The following OR1J2 variants were observed in gnomAD, a reference collection of about 807,000 sequenced individuals.
The protein encoded by OR1J2 is olfactory receptor 1J2.
For missense variants in OR1J2, 304 were observed against 246.1 expected, an observed-to-expected ratio of 1.24 and a Z score of -1.57; for synonymous variants, 142 against 99.7, an observed-to-expected ratio of 1.42 and a Z score of -2.52.
the OR1J2 span, chr9:122,519,936 GC>G: frequency 6.2e-7 from 1 of 1,614,086 alleles, no homozygotes; most frequent in Non-Finnish European, 8.5e-7. Flanking sequence ...CTCATCCAGT[GC>G]CTCCAGTGAC....
the OR1J2 span, among the ~76,000 whole-genome samples, chr9:122,556,520 G>T: frequency 6.6e-6 from 1 of 151,900 alleles, no homozygotes; most frequent in Non-Finnish European, 1.5e-5. Context: ...CCTGTTGGGG[G>T]TTAGGGGACA....
the OR1J2 span, among the ~76,000 whole-genome samples, chr9:122,494,484 T>G: frequency 6.6e-6 from 1 of 152,190 alleles, no homozygotes; most frequent in Non-Finnish European, 1.5e-5. Flanking sequence ...TTGTTTTTTC[T>G]GATATAAGAA....
chr9:122,537,788 A>C, the OR1J2 span, among the ~76,000 whole-genome samples: 1 of 152,200 alleles, frequency 6.6e-6, no homozygotes, highest in South Asian at 2.1e-4. Flanking sequence ...CACCAAGGAT[A>C]AGGTCAGAGC....
the OR1J2 span, among the ~76,000 whole-genome samples, chr9:122,472,430 C>T: frequency 6.6e-6 from 1 of 152,228 alleles, no homozygotes. Flanking sequence ...CAATAGTACT[C>T]TTAAGACCCA....
At chr9:122,454,014 T>C in the OR1J2 span, among the ~76,000 whole-genome samples, 3 of 152,230 alleles carry the variant, frequency 2.0e-5, no homozygotes, top group East Asian at 5.8e-4. Context: ...CAACCTACTG[T>C]TGCTTAGGCA....
the OR1J2 span, among the ~76,000 whole-genome samples, chr9:122,529,235 C>G: frequency 1.3e-5 from 2 of 151,308 alleles, no homozygotes; most frequent in Non-Finnish European, 2.9e-5. Flanking sequence ...ATAGCCATGT[C>G]CAGAAGGGTA....
chr9:122,511,477 C>G lies in OR1J2; in HGVS notation c.676C>G (p.Leu226Val), dbSNP rs1828635612. The G allele has an allele frequency of 1.3e-6, 1 of 780,652 alleles. No individual in the cohort carries two copies. Among genetic ancestry groups the G allele is most frequent in the African/African-American group, 1.7e-5 (1 of 59,094 alleles). 48.4% of individuals were successfully genotyped at this position (780,652 alleles called of 1,614,324 possible). A position where few individuals can be genotyped will look rare whatever the true frequency, so the allele number is the denominator to read the frequency against. ...VSYGYIGATI[L>V]RVPSTKGIHK... ...ATATGGCTACATTGGGGCCACCATC[C>G]TGAGGGTCCCTTCAACCAAAGGGAT... Residue 226 changes from leucine (L) to valine (V), a missense_variant, in exon 1 of 1, where the codon CTG becomes GTG. Transcript: ENST00000335302.
chr9:122,568,063 G>A, the OR1J2 span: 1 of 1,614,062 alleles, frequency 6.2e-7, no homozygotes, highest in South Asian at 1.1e-5. Context: ...CAGTGGTGGT[G>A]GCTCATGGTG....
the OR1J2 span, among the ~76,000 whole-genome samples, chr9:122,505,675 T>C: frequency 6.6e-6 from 1 of 152,318 alleles, no homozygotes; most frequent in African/African-American, 2.4e-5. Context: ...ATTTGTCCTA[T>C]ATCCCTATAT....
chr9:122,532,390 A>G, the OR1J2 span, among the ~76,000 whole-genome samples: 2 of 152,112 alleles, frequency 1.3e-5, no homozygotes, highest in Non-Finnish European at 2.9e-5. Context: ...ACCGCCATCA[A>G]TAAACCAAGT....
the OR1J2 span, among the ~76,000 whole-genome samples, chr9:122,529,697 T>A: frequency 6.6e-6 from 1 of 152,216 alleles, no homozygotes; most frequent in Non-Finnish European, 1.5e-5. Context: ...GAGATATCAA[T>A]GGGGTTCTTC....
At chr9:122,504,443 G>A in the OR1J2 span, among the ~76,000 whole-genome samples, 1 of 152,160 alleles carries the variant, frequency 6.6e-6, no homozygotes, top group Non-Finnish European at 1.5e-5. Flanking sequence ...CTTAAAGCTG[G>A]AAGTTTATCT....
At chr9:122,565,295 ATC>A in the OR1J2 span, among the ~76,000 whole-genome samples, 14 of 152,222 alleles carry the variant, frequency 9.2e-5, no homozygotes, top group Non-Finnish European at 1.9e-4. Flanking sequence ...ATATGAAGAT[ATC>A]TGTGTCCCAT....
At chr9:122,543,081 C>G in the OR1J2 span, among the ~76,000 whole-genome samples, 1 of 152,136 alleles carries the variant, frequency 6.6e-6, no homozygotes, top group Non-Finnish European at 1.5e-5. Context: ...TATGTACAAA[C>G]TTTTGGGTGG....
chr9:122,471,553 A>G, the OR1J2 span: 12 of 152,198 alleles, frequency 7.9e-5, no homozygotes, highest in Admixed American at 7.9e-4. Flanking sequence ...CCTCACTTCC[A>G]ATGGAGACAA....
chr9:122,503,162 T>C, the OR1J2 span, among the ~76,000 whole-genome samples: 2 of 152,168 alleles, frequency 1.3e-5, no homozygotes, highest in Admixed American at 6.5e-5. Context: ...GATGATGTCA[T>C]GTGGGATATG....
At chr9:122,531,810 C>T in the OR1J2 span, among the ~76,000 whole-genome samples, 9 of 152,112 alleles carry the variant, frequency 5.9e-5, no homozygotes, top group Non-Finnish European at 1.2e-4. Flanking sequence ...GTGGGAAGGC[C>T]AAACCGAGGA....
At chr9:122,461,362 T>C in the OR1J2 span, among the ~76,000 whole-genome samples, 1 of 151,992 alleles carries the variant, frequency 6.6e-6, no homozygotes, top group Non-Finnish European at 1.5e-5. Flanking sequence ...GTACATCTAT[T>C]GAGATAATCA....
the OR1J2 span, among the ~76,000 whole-genome samples, chr9:122,574,092 GC>G: frequency 6.6e-6 from 1 of 152,054 alleles, no homozygotes; most frequent in Admixed American, 6.5e-5. Flanking sequence ...CTATTCTTTT[GC>G]CAGTATATAT....
Sources: gnomAD v4.1 joint callset for allele counts (sites outside exome capture counted in the v4.1 genomes callset) on GRCh38, gnomAD v4.1.1 for gene constraint, MANE v1.5 for transcripts, NCBI Gene and HGNC (gene_info 2026-07-23, HGNC 2026-07-21) for gene names.